KIAA0408: variants seen among roughly 807,000 people sequenced by gnomAD.
KIAA0408 encodes KIAA0408, also known as uncharacterized protein KIAA0408.
KIAA0408 carries 51 observed loss-of-function variants against 60.9 expected under a neutral mutation model. The observed-to-expected ratio is 0.84, with a 90% CI of 0.67 to 1.06. KIAA0408 has a LOEUF of 1.06. KIAA0408 is among the 50% of genes least tolerant of loss of function. KIAA0408 has a pLI of 0.00. For missense variants in KIAA0408, 787 were observed against 833.9 expected (o/e 0.94, Z 0.69); for synonymous variants, 304 against 282.4 (o/e 1.08, Z -0.77).
Position 127,450,081 on chromosome 6 carries a change from A to C in KIAA0408, c.407T>G (p.Leu136Trp), listed in dbSNP as rs1456907883. The C allele has an allele frequency of 6.2e-7, 1 of 1,614,154 alleles. No homozygotes were observed. The highest frequency in any genetic ancestry group is 1.3e-5 in the African/African-American group (1 of 75,076). Residue 136 changes from leucine (L) to tryptophan (W), a missense_variant, in exon 3 of 6, where the codon TTG becomes TGG. Physicochemically the swap from Leu to Trp is moderately conservative, Grantham distance 61 (BLOSUM62 -2). Around this residue, in one of 3 missense-constraint regions of KIAA0408, gnomAD observed 640 missense variants for 681.3 expected, o/e 0.94. Transcript: ENST00000483725. The stretch of plus-strand genomic sequence containing the variant: ...ACATTCCTTTTGGTTGTCTGTAGCC[A>C]AAGGATCCAAAAACCCTACTTTTGA... The part of the protein sequence containing the change: ...KKSKVGFLDP[L>W]ATDNQKECEA...
intron 2 of KIAA0408, 196 bp from the exon 3 acceptor site, chr6:127,450,548 A>T: frequency 1.3e-6 from 1 of 798,226 alleles, no homozygotes. Flanking sequence ...CATAAAGGCT[A>T]CTTTTAGTAG....
At position 127,447,517 on chromosome 6, in the gene KIAA0408, G is replaced by A; in HGVS notation, c.802C>T (p.Pro268Ser). 2 of 1,610,722 alleles carry A rather than the reference G, an allele frequency of 1.2e-6. No individual in the cohort carries two copies. The highest frequency in any genetic ancestry group is 1.7e-6 in the Non-Finnish European group (2 of 1,179,178). ...TTTCGAGAGGTGCTTCTTGGAGGAG[G>A]AACTGGTGGAGTTTCATTTCTTTTT... ...DLKRNETPPV[P>S]PPRSTSRNFP... The change falls in exon 5 of 6, where the codon CCT (proline) becomes TCT (serine). Residue 268 changes from proline to serine, a missense_variant. Around this residue, in one of 3 missense-constraint regions of KIAA0408, gnomAD observed 640 missense variants for 681.3 expected, o/e 0.94. Transcript: ENST00000483725.
chr6:127,444,755 CT>C lies in KIAA0408; in HGVS notation c.1912-474del, dbSNP rs570405764. 1.2e-3 allele frequency among the ~76,000 whole-genome samples: 182 copies of C among 146,564 alleles called. 2 individuals carry two copies. Among genetic ancestry groups the C allele is most frequent in the South Asian group, 1.9e-3 (9 of 4,642 alleles). ...CACAAACCAAATGATTAATCTGATG[CT>C]TTTTTTTTTCACTATCACTGGCACT... On this transcript the variant is annotated intron_variant, in intron 5 of 5. Coordinates refer to ENST00000483725, the MANE Select transcript of KIAA0408 (RefSeq NM_014702.5).
Position 127,454,011 on chromosome 6 carries a change from G to A in KIAA0408, c.-30C>T, listed in dbSNP as rs775134363. 17 of 1,594,926 alleles carry A rather than the reference G, an allele frequency of 1.1e-5. No individual in the cohort carries two copies. The Middle Eastern group carries it at 5.0e-4, about 47-fold the overall frequency. ...ACAGTGTAAGTGTCAGCAAAGAAGT[G>A]TTTCTGCTCTTCTCTGCCTCCTCTT... On this transcript the variant is annotated 5_prime_UTR_variant, in exon 2 of 6. Transcript: ENST00000483725.
intron 2 of KIAA0408, among the ~76,000 whole-genome samples, chr6:127,452,306 T>C (rs1017724507): frequency 6.6e-5 from 10 of 152,092 alleles, no homozygotes; most frequent in Non-Finnish European, 1.2e-4. Context: ...TTTTTCCAAG[T>C]GTTGATTTCT....
intron 1 of KIAA0408, among the ~76,000 whole-genome samples, chr6:127,455,423 C>G (rs998950863): frequency 6.6e-6 from 1 of 152,114 alleles, no homozygotes; most frequent in Non-Finnish European, 1.5e-5. Flanking sequence ...TAAATATCAG[C>G]TAAATATCGA....
chr6:127,446,785 G>T lies in KIAA0408; in HGVS notation c.1534C>A (p.Pro512Thr). The T allele has an allele frequency of 6.2e-7, 1 of 1,613,994 alleles. No individual in the cohort carries two copies. The highest frequency in any genetic ancestry group is 1.3e-5 in the African/African-American group (1 of 75,010). The change falls in exon 5 of 6, where the codon CCC (proline) becomes ACC (threonine). Residue 512 changes from proline (P) to threonine (T), a missense_variant. Physicochemically the swap from Pro to Thr is conservative, Grantham distance 38. Coordinates refer to ENST00000483725, the MANE Select transcript of KIAA0408 (RefSeq NM_014702.5). ...PVPMENVPDN[P>T]TKKSTTGLVR... is the part of the protein sequence containing the mutation. The stretch of plus-strand genomic sequence containing the variant: ...AGGCCTGTTGTGGATTTCTTGGTGG[G>T]ATTATCAGGCACATTTTCCATGGGC...
Position 127,450,178 on chromosome 6 carries a change from C to A in KIAA0408, c.310G>T (p.Glu104Ter). 1 of 1,613,982 alleles carries A rather than the reference C, an allele frequency of 6.2e-7. No homozygotes were observed. Among genetic ancestry groups the A allele is most frequent in the Non-Finnish European group, 8.5e-7 (1 of 1,179,956 alleles). Residue 104 changes from glutamate (E) to a stop codon, truncating the protein, a stop_gained, in exon 3 of 6, where the codon GAA becomes TAA. Transcript: ENST00000483725. LOFTEE classifies it high-confidence loss of function. Reference protein sequence around the residue: ...RTNHKDGLRKENKREQSLVSG... With the variant: ...RTNHKDGLRK ...ACTAAGCTCTGCTCTCTTTTATTTT[C>A]TTTTCTCAGACCATCTTTGTGATTC...
chr6:127,456,646 G>T (rs1377166106), intron 1 of KIAA0408, among the ~76,000 whole-genome samples: 1 of 152,134 alleles, frequency 6.6e-6, no homozygotes, highest in Non-Finnish European at 1.5e-5. Context: ...GCCTTTGCAA[G>T]AACATTTCTA....
chr6:127,440,090 G>A lies in KIAA0408; in HGVS notation c.*4019C>T, dbSNP rs938210142. 2 of 152,016 alleles carry A rather than the reference G, an allele frequency of 1.3e-5. No homozygotes were observed. The highest frequency in any genetic ancestry group is 4.8e-5 in the African/African-American group (2 of 41,390). The allele number at this position is 152,016 out of a possible 1,614,324, so 9.4% of individuals were successfully genotyped here. Reference sequence around the variant, plus strand: ...AAGAATTTGTTAATTTAACCTATTGGATTAATACTATCATTGAAATGTGTA... The same window carrying A: ...AAGAATTTGTTAATTTAACCTATTGAATTAATACTATCATTGAAATGTGTA... On this transcript the variant is annotated 3_prime_UTR_variant, in exon 6 of 6. Transcript: ENST00000483725.
intron 1 of KIAA0408, among the ~76,000 whole-genome samples, chr6:127,456,872 T>C (rs763196428): frequency 2.0e-5 from 3 of 152,010 alleles, no homozygotes; most frequent in Non-Finnish European, 4.4e-5. Context: ...CTCTGGATCA[T>C]AGCAAATGCC....
Position 127,450,327 on chromosome 6 carries a change from C to G in KIAA0408, c.161G>C (p.Arg54Thr). The change falls in exon 3 of 6, where the codon AGG (arginine) becomes ACG (threonine). Residue 54 changes from arginine (R) to threonine (T), a missense_variant. Transcript: ENST00000483725. ...EELCREVKLWRKININESAKI... is the reference protein window; with the variant it reads ...EELCREVKLWTKININESAKI... ...AGCACTTTCATTGATATTGATTTTC[C>G]TCCAAAGCTTTACTTCCCGGCAAAG... 6.2e-7 allele frequency: 1 copy of G among 1,600,582 alleles called. No individual in the cohort carries two copies. Among genetic ancestry groups the G allele is most frequent in the South Asian group, 1.1e-5 (1 of 88,430 alleles).
chr6:127,451,022 T>C (rs1773293847), intron 2 of KIAA0408: 2 of 184,866 alleles, frequency 1.1e-5, no homozygotes, highest in South Asian at 2.1e-4. Flanking sequence ...CATCTATTAG[T>C]CTGTATTAAG....
chr6:127,447,860 A>G (rs959826755), intron 4 of KIAA0408, 120 bp from the exon 5 acceptor site: 2 of 1,262,978 alleles, frequency 1.6e-6, no homozygotes, highest in African/African-American at 3.1e-5. Context: ...ACTGCCTCAT[A>G]CATCATTTTT....
chr6:127,458,992 A>C (rs559053428), intron 1 of KIAA0408, among the ~76,000 whole-genome samples, 183 bp downstream of exon 1: 26 of 152,308 alleles, frequency 1.7e-4, no homozygotes, highest in African/African-American at 5.1e-4. Flanking sequence ...CCTAGGAGTC[A>C]GTACAATCTG....
In KIAA0408 at chr6:127,443,496, G is replaced by A. The variant is rs1013714422; in HGVS notation, c.*613C>T. ...CAATGGTATTATTTTATCCTTATAT[G>A]GGTTAAGAAATTATTTATGAGTTGT... is the stretch of plus-strand genomic sequence containing the variant. On this transcript the variant is annotated 3_prime_UTR_variant, in exon 6 of 6. Transcript: ENST00000483725. The A allele has an allele frequency of 6.6e-6, 1 of 152,086 alleles. No individual in the cohort carries two copies. The highest frequency in any genetic ancestry group is 1.5e-5 in the Non-Finnish European group (1 of 68,002). The allele number at this position is 152,086 out of a possible 1,614,324, so 9.4% of individuals were successfully genotyped here.
intron 1 of KIAA0408, among the ~76,000 whole-genome samples, chr6:127,458,852 G>GA (rs2114810789): frequency 6.6e-6 from 1 of 152,316 alleles, no homozygotes; most frequent in East Asian, 1.9e-4. Context: ...TATACTTAGT[G>GA]AAAATCAATG....
At position 127,447,188 on chromosome 6, in the gene KIAA0408, C is replaced by A. The variant is rs1773214816; in HGVS notation, c.1131G>T (p.Trp377Cys). Residue 377 changes from tryptophan (W) to cysteine (C), a missense_variant, in exon 5 of 6, where the codon TGG (tryptophan) becomes TGT (cysteine). Trp to Cys is a radical substitution (Grantham distance 215). This residue lies in a region of KIAA0408 where 640 missense variants were observed against 681.3 expected (regional missense o/e 0.94). Coordinates refer to ENST00000483725, the MANE Select transcript of KIAA0408 (RefSeq NM_014702.5). ...IGAKRSPSTSWFQKTCSTPSN... is the reference protein window; with the variant it reads ...IGAKRSPSTSCFQKTCSTPSN... ...TGGGGGTAGAGCAGGTTTTCTGAAA[C>A]CACGAAGTAGAGGGGCTCCTTTTTG... 3 of 1,611,974 alleles carry A rather than the reference C, an allele frequency of 1.9e-6. No homozygotes were observed. Among genetic ancestry groups the A allele is most frequent in the Admixed American group, 3.4e-5 (2 of 59,648 alleles).
intron 2 of KIAA0408, 104 bp from the exon 3 acceptor site, chr6:127,450,456 A>T (rs1470645403): frequency 7.0e-7 from 1 of 1,431,800 alleles, no homozygotes; most frequent in Non-Finnish European, 9.1e-7. Context: ...TGCCATATTA[A>T]AATATACTTC....
Sources: allele counts gnomAD v4.1 joint callset (sites outside exome capture counted in the v4.1 genomes callset), GRCh38; gene constraint gnomAD v4.1.1; regional missense constraint gnomAD v4.1.1; transcripts MANE v1.5; gene names NCBI Gene and HGNC (gene_info 2026-07-23, HGNC 2026-07-21).